The following CUX2 variants were observed in gnomAD, a reference collection of about 807,000 sequenced individuals.
The protein encoded by CUX2 is cut like homeobox 2.
In CUX2, 40 loss-of-function variants were observed where a neutral mutation model predicts 144.8. That is an observed-to-expected ratio of 0.28 (90% confidence interval 0.21 to 0.36). The LOEUF (loss-of-function observed/expected upper bound fraction) is 0.36. CUX2 is among the 10% of genes least tolerant of loss of function. CUX2 has a pLI of 1.00. For missense variants in CUX2, 1,615 were observed against 1,994.0 expected (o/e 0.81, Z 3.62); for synonymous variants, 827 against 875.6 (o/e 0.94, Z 0.98).
chr12:111,318,897 T>C (rs1384427061), intron 16 of CUX2, among the ~76,000 whole-genome samples: 1 of 151,782 alleles, frequency 6.6e-6, no homozygotes, highest in Non-Finnish European at 1.5e-5. Context: ...ACTCCTAAAC[T>C]CAGACAATTT....
Position 111,164,588 on chromosome 12 carries a change from AAG to A in CUX2, c.64-49610_64-49609del, listed in dbSNP as rs1326972823. Among the ~76,000 whole-genome samples the A allele has an allele frequency of 3.2e-3, 493 of 152,054 alleles. 3 individuals carry two copies. Among genetic ancestry groups the A allele is most frequent in the African/African-American group, 0.012 (477 of 41,412 alleles). On this transcript the variant is annotated intron_variant, in intron 1 of 21. Transcript: ENST00000261726. ...GAGACTCCATCTCAAAAAAATAAAA[AAG>A]AAAAAAAAAGAGAACAAGCAAAAGA...
intron 10 of CUX2, 31 bp from the exon 11 acceptor site, chr12:111,306,890 C>T: frequency 3.2e-6 from 5 of 1,555,164 alleles, no homozygotes; most frequent in South Asian, 2.4e-5. Flanking sequence ...TCCCTCACCT[C>T]TCAGCCCCTC....
intron 1 of CUX2, among the ~76,000 whole-genome samples, chr12:111,168,508 C>T (rs889873627): frequency 2.6e-5 from 4 of 152,188 alleles, no homozygotes; most frequent in African/African-American, 7.2e-5. Context: ...ACCAGAACCT[C>T]GTCCCGTCGG....
intron 1 of CUX2, among the ~76,000 whole-genome samples, chr12:111,096,244 T>TG (rs1468070077): frequency 6.6e-6 from 1 of 152,136 alleles, no homozygotes; most frequent in Admixed American, 6.5e-5. Flanking sequence ...AGCCCTCCGG[T>TG]GGGGGTGAGG....
At chr12:111,120,138 C>T (rs1566234458) in intron 1 of CUX2, among the ~76,000 whole-genome samples, 4 of 152,146 alleles carry the variant, frequency 2.6e-5, no homozygotes, top group Non-Finnish European at 5.9e-5. Flanking sequence ...TGGCCTTGCT[C>T]CATCATGATA....
chr12:111,058,421 G>C (rs1870622314), intron 1 of CUX2, among the ~76,000 whole-genome samples: 1 of 152,182 alleles, frequency 6.6e-6, no homozygotes, highest in South Asian at 2.1e-4. Context: ...GTGATTATTA[G>C]GTAGTGAGGA....
chr12:111,120,824 G>A (rs546368682), intron 1 of CUX2, among the ~76,000 whole-genome samples: 1 of 152,216 alleles, frequency 6.6e-6, no homozygotes, highest in Non-Finnish European at 1.5e-5. Context: ...GTGCTTCCTC[G>A]GAGAGGATTA....
chr12:111,199,519 C>T (rs1171716088), intron 1 of CUX2, among the ~76,000 whole-genome samples: 2 of 152,164 alleles, frequency 1.3e-5, no homozygotes, highest in Non-Finnish European at 1.5e-5. Flanking sequence ...TGGGAATGTG[C>T]GTGCCCTGCA....
Position 111,263,876 on chromosome 12 carries a change from C to A in CUX2, c.301+37C>A. ...TTGGGCTCCGTAATTGAATAGTTAACGACAATAAATAGCCATTAGGACTGT... is the reference window on the plus strand; with the variant it reads ...TTGGGCTCCGTAATTGAATAGTTAAAGACAATAAATAGCCATTAGGACTGT... On this transcript the variant is annotated intron_variant, in intron 4 of 21. Transcript: ENST00000261726. This position sits in a 1 kb window ranked among gnomAD's most constrained non-coding sequence, Gnocchi z 4.0. 1 of 1,562,760 alleles carries A rather than the reference C, an allele frequency of 6.4e-7. No homozygotes were observed. The highest frequency in any genetic ancestry group is 8.8e-7 in the Non-Finnish European group (1 of 1,133,512).
intron 3 of CUX2, among the ~76,000 whole-genome samples, chr12:111,252,016 CA>C (rs1169851808): frequency 1.3e-5 from 2 of 151,920 alleles, no homozygotes; most frequent in Non-Finnish European, 2.9e-5. Flanking sequence ...CCCACCTCTA[CA>C]AAAAAAGAAA....
intron 1 of CUX2, among the ~76,000 whole-genome samples, chr12:111,115,521 G>A (rs1157219349): frequency 3.3e-5 from 5 of 151,910 alleles, no homozygotes; most frequent in African/African-American, 9.7e-5. Context: ...TCCTGACCTC[G>A]TCATCTGCCC....
intron 18 of CUX2, among the ~76,000 whole-genome samples, chr12:111,324,625 C>T (rs140274245): frequency 0.031 from 4,730 of 152,032 alleles, 100 homozygotes; most frequent in African/African-American, 0.05. Flanking sequence ...CTCAGCCTCC[C>T]GAGTAGCTGG....
intron 1 of CUX2, among the ~76,000 whole-genome samples, chr12:111,184,592 AAAAAAAACAG>A (rs1879393852): frequency 1.3e-5 from 2 of 151,358 alleles, no homozygotes; most frequent in South Asian, 4.2e-4. Context: ...AAAAAAAAAA[AAAAAAAACAG>A]AAAAATTAGC....
At position 111,341,853 on chromosome 12, in the gene CUX2, C is replaced by T; in HGVS notation, c.3459C>T (p.Cys1153=). The change falls in exon 21 of 22, where the codon TGC becomes TGT. Residue 1153 remains cysteine, a synonymous_variant. Transcript: ENST00000261726. ...DSESPATRSE[C]PSPCLQPQDL... is the part of the protein sequence containing the mutation. ...AGTCCCCGGCCACCCGCTCAGAGTG[C>T]CCCAGCCCCTGCCTGCAGCCCCAGG... 1 of 1,613,786 alleles carries T rather than the reference C, an allele frequency of 6.2e-7. No individual in the cohort carries two copies. Among genetic ancestry groups the T allele is most frequent in the Non-Finnish European group, 8.5e-7 (1 of 1,179,992 alleles).
At chr12:111,198,140 C>T (rs191499244) in intron 1 of CUX2, among the ~76,000 whole-genome samples, 14 of 152,022 alleles carry the variant, frequency 9.2e-5, no homozygotes, top group Admixed American at 7.9e-4. Flanking sequence ...ATTGTCATTC[C>T]GTGGGCAGAG....
At chr12:111,267,795 C>T (rs1884457253) in intron 4 of CUX2, among the ~76,000 whole-genome samples, 1 of 152,016 alleles carries the variant, frequency 6.6e-6, no homozygotes, top group South Asian at 2.1e-4. Context: ...ATCTTTGTCT[C>T]AATCTCCCTC....
At chr12:111,073,074 G>T (rs1276502283) in intron 1 of CUX2, among the ~76,000 whole-genome samples, 1 of 152,098 alleles carries the variant, frequency 6.6e-6, no homozygotes, top group South Asian at 2.1e-4. Flanking sequence ...GATCCTATAG[G>T]TTCAGCTCAA....
At chr12:111,297,495 C>T (rs1229478266) in intron 8 of CUX2, among the ~76,000 whole-genome samples, 1 of 152,222 alleles carries the variant, frequency 6.6e-6, no homozygotes, top group Non-Finnish European at 1.5e-5. Context: ...GGGACCTGGG[C>T]TGAGTGAGGG....
rs1565926325 is a variant in CUX2, at chr12:111,330,730, T to TACATATAC, written c.2927-3710_2927-3709insCATATACA. Among the ~76,000 whole-genome samples the TACATATAC allele has an allele frequency of 1.4e-4, 7 of 51,560 alleles. 1 individual carries two copies. The East Asian group carries it at 1.7e-3, about 12-fold the overall frequency. 33.8% of individuals were successfully genotyped at this position (51,560 alleles called of 152,430 possible). On this transcript the variant is annotated intron_variant, in intron 18 of 21. Transcript: ENST00000261726. ...ATATATATATATATATATATATATATATATATATATATATATATATAAAGA... is the reference window on the plus strand; with the variant it reads ...ATATATATATATATATATATATATATACATATACATATATATATATATATATATAAAGA...
Sources: allele counts gnomAD v4.1 joint callset (sites outside exome capture counted in the v4.1 genomes callset), GRCh38; gene constraint gnomAD v4.1.1; non-coding constraint Gnocchi (gnomAD v3.1); transcripts MANE v1.5; gene names NCBI Gene and HGNC (gene_info 2026-07-23, HGNC 2026-07-21).